The following B3GALT1 variants were observed in gnomAD, a reference collection of about 807,000 sequenced individuals.
B3GALT1 encodes beta-1,3-galactosyltransferase 1, also known as UDP-Gal:betaGlcNAc beta 1,3-galactosyltransferase, polypeptide 1.
Under a neutral mutation model 23.2 loss-of-function variants are expected in B3GALT1, and 10 were observed. That is an observed-to-expected ratio of 0.43 (90% CI 0.27 to 0.73). The LOEUF (loss-of-function observed/expected upper bound fraction) is 0.73, where lower values mean the gene tolerates loss of function less well. Among genes scored for constraint, B3GALT1 ranks in the 30% least tolerant of loss-of-function variants. The probability of loss-of-function intolerance (pLI) is 0.21; values close to 1 mark genes in which losing one functional copy is unlikely to be tolerated. For synonymous variants in B3GALT1, 156 were observed against 141.5 expected (o/e 1.10, Z -0.73); for missense variants, 299 against 405.4 (o/e 0.74, Z 2.25).
intron 3 of B3GALT1, among the ~76,000 whole-genome samples, chr2:167,662,966 C>A (rs7559995): frequency 0.88 from 132,915 of 151,754 alleles, 59,674 homozygotes; most frequent in Non-Finnish European, 0.99. Flanking sequence ...TTTTTTTATT[C>A]TTATTCTTAC....
intron 1 of B3GALT1, among the ~76,000 whole-genome samples, chr2:167,469,448 A>AT (rs1463220702): frequency 6.6e-6 from 1 of 152,158 alleles, no homozygotes; most frequent in Admixed American, 6.5e-5. Context: ...GGACTATGAA[A>AT]TTTTGAAATT....
chr2:167,333,696 G>A (rs541052842), intron 1 of B3GALT1, among the ~76,000 whole-genome samples: 20 of 152,196 alleles, frequency 1.3e-4, no homozygotes, highest in African/African-American at 3.4e-4. Flanking sequence ...GGACAATATC[G>A]TAAGAAATAA....
At chr2:167,601,212 A>G (rs1684872855) in intron 2 of B3GALT1, among the ~76,000 whole-genome samples, 1 of 152,080 alleles carries the variant, frequency 6.6e-6, no homozygotes, top group Admixed American at 6.5e-5. Context: ...GGCACGTGCC[A>G]CCACGCCCAG....
At chr2:167,680,674 A>G (rs1686513713) in intron 3 of B3GALT1, among the ~76,000 whole-genome samples, 1 of 152,188 alleles carries the variant, frequency 6.6e-6, no homozygotes, top group Non-Finnish European at 1.5e-5. Context: ...TGGATATCTC[A>G]AGAGGTTAAG....
chr2:167,590,361 AAAAAAG>A (rs1395494545), intron 2 of B3GALT1, among the ~76,000 whole-genome samples: 1 of 151,664 alleles, frequency 6.6e-6, no homozygotes, highest in East Asian at 1.9e-4. Flanking sequence ...AAAAAAAAAA[AAAAAAG>A]GAAGACATAA....
intron 4 of B3GALT1, among the ~76,000 whole-genome samples, chr2:167,864,997 T>C (rs1690182335): frequency 6.6e-6 from 1 of 152,192 alleles, no homozygotes; most frequent in African/African-American, 2.4e-5. Flanking sequence ...TAAACTTTTT[T>C]CATGTTCTCC....
At chr2:167,355,525 A>T (rs1697387091) in intron 1 of B3GALT1, among the ~76,000 whole-genome samples, 1 of 151,574 alleles carries the variant, frequency 6.6e-6, no homozygotes, top group Non-Finnish European at 1.5e-5. Context: ...ATACAGTCTT[A>T]CTTTTAAGGA....
intron 1 of B3GALT1, among the ~76,000 whole-genome samples, chr2:167,322,951 C>T (rs1696835947): frequency 6.6e-6 from 1 of 151,998 alleles, no homozygotes; most frequent in Admixed American, 6.5e-5. Flanking sequence ...TAATTGAAAA[C>T]AGAGCCAGTC....
intron 1 of B3GALT1, among the ~76,000 whole-genome samples, chr2:167,415,580 G>C (rs989567891): frequency 2.6e-5 from 4 of 152,204 alleles, no homozygotes; most frequent in Non-Finnish European, 5.9e-5. Context: ...ACAGGAGTTT[G>C]AAGGAGCAGG....
intron 2 of B3GALT1, among the ~76,000 whole-genome samples, chr2:167,576,535 T>G (rs1684391882): frequency 6.7e-6 from 1 of 150,268 alleles, no homozygotes; most frequent in South Asian, 2.1e-4. Context: ...TTTTTTTGTT[T>G]TTTTTTTTTG....
intron 3 of B3GALT1, among the ~76,000 whole-genome samples, chr2:167,761,617 C>G (rs1205187527): frequency 6.6e-6 from 1 of 152,152 alleles, no homozygotes; most frequent in African/African-American, 2.4e-5. Context: ...AGGCAGTGAA[C>G]CAGTACTCCT....
At position 167,428,627 on chromosome 2, in the gene B3GALT1, G is replaced by A. The variant is rs143411141; in HGVS notation, c.-510-61550G>A. ...TGGGAGGAGGAGGTTGCAGTGAGCT[G>A]AGATCGCCCCACTACACTCTAGCCT... On this transcript the variant is annotated intron_variant, in intron 1 of 4. Coordinates refer to ENST00000392690, the MANE Select transcript of B3GALT1 (RefSeq NM_020981.4). Among the ~76,000 whole-genome samples the A allele has an allele frequency of 1.2e-3, 179 of 151,960 alleles. 1 individual carries two copies. In the East Asian group the frequency reaches 0.018, roughly 15 times the overall value.
At position 167,386,084 on chromosome 2, in the gene B3GALT1, A is replaced by C. The variant is rs923335357; in HGVS notation, c.-511+92750A>C. 2.6e-5 allele frequency among the ~76,000 whole-genome samples: 4 copies of C among 152,200 alleles called. No individual in the cohort carries two copies. The East Asian group carries it at 7.7e-4, about 29-fold the overall frequency. ...GGTTAATTCCCTTCAAGGAGATGCT[A>C]AGCCTTTAAGTGGCTTTTGCTAACT... is the stretch of plus-strand genomic sequence containing the variant. On this transcript the variant is annotated intron_variant, in intron 1 of 4. Coordinates refer to ENST00000392690, the MANE Select transcript of B3GALT1 (RefSeq NM_020981.4).
chr2:167,650,908 C>T (rs73015480), intron 3 of B3GALT1, among the ~76,000 whole-genome samples: 6,365 of 152,018 alleles, frequency 0.042, 465 homozygotes, highest in African/African-American at 0.15. Context: ...ATTTCTTCAC[C>T]GAAACAAACC....
chr2:167,627,608 A>C (rs1309151088), intron 2 of B3GALT1, among the ~76,000 whole-genome samples: 1 of 151,728 alleles, frequency 6.6e-6, no homozygotes, highest in South Asian at 2.1e-4. Flanking sequence ...GATTTTTGCA[A>C]TAAGGAATAA....
At chr2:167,504,162 G>T (rs1161450142) in intron 2 of B3GALT1, among the ~76,000 whole-genome samples, 1 of 278 alleles carries the variant, frequency 3.6e-3, no homozygotes, top group African/African-American at 0.023. Flanking sequence ...AATTTAGAAG[G>T]TATACTTGAT....
intron 2 of B3GALT1, among the ~76,000 whole-genome samples, chr2:167,563,915 C>T (rs1373573088): frequency 4.8e-5 from 6 of 126,130 alleles, no homozygotes; most frequent in Admixed American, 1.5e-4. Flanking sequence ...CCGATCCCCC[C>T]ACCTCCCTCC....
chr2:167,489,120 T>C (rs745555197), intron 1 of B3GALT1, among the ~76,000 whole-genome samples: 16 of 152,096 alleles, frequency 1.1e-4, no homozygotes, highest in Non-Finnish European at 2.1e-4. Context: ...CTAACGTCAT[T>C]GTACTATGAA....
chr2:167,768,636 T>A (rs1206643923), intron 3 of B3GALT1, among the ~76,000 whole-genome samples: 1 of 152,170 alleles, frequency 6.6e-6, no homozygotes, highest in African/African-American at 2.4e-5. Context: ...CAAACTGACA[T>A]CTAGAAAAAC....
Sources: gnomAD v4.1 joint callset for allele counts (sites outside exome capture counted in the v4.1 genomes callset) on GRCh38, gnomAD v4.1.1 for gene constraint, MANE v1.5 for transcripts, NCBI Gene and HGNC (gene_info 2026-07-23, HGNC 2026-07-21) for gene names.